HSPA4: variants seen among roughly 807,000 people sequenced by gnomAD.
HSPA4 encodes the protein heat shock 70 kDa protein 4.
In HSPA4, 25 loss-of-function variants were observed where a neutral mutation model predicts 106.2. The observed-to-expected ratio is 0.24, with a 90% CI of 0.17 to 0.33. The LOEUF is 0.33. Ranked by LOEUF, HSPA4 falls within the 10% of genes least tolerant of loss-of-function variation. The pLI, the probability that HSPA4 is intolerant of heterozygous loss-of-function variation, is 1.00. For missense variants in HSPA4, 841 were observed against 996.0 expected (o/e 0.84, Z 2.10); for synonymous variants, 332 against 333.6 (o/e 1.00, Z 0.05).
At chr5:133,072,780 G>GTGA (rs1765401203) in intron 4 of HSPA4, among the ~76,000 whole-genome samples, 1 of 152,088 alleles carries the variant, frequency 6.6e-6, no homozygotes, top group Admixed American at 6.6e-5. Context: ...CCAACTCCCA[G>GTGA]AAGGAAAGCC....
intron 1 of HSPA4, among the ~76,000 whole-genome samples, chr5:133,059,692 C>G (rs111398019): frequency 1.3e-5 from 2 of 152,274 alleles, no homozygotes; most frequent in African/African-American, 4.8e-5. Context: ...ATCATAGACT[C>G]TAATACGTTT....
chr5:133,074,344 T>C (rs988481508), intron 6 of HSPA4, among the ~76,000 whole-genome samples: 1 of 151,812 alleles, frequency 6.6e-6, no homozygotes, highest in African/African-American at 2.4e-5. Context: ...AATGGCGCGA[T>C]CTTGGCTCAC....
intron 11 of HSPA4, 90 bp from the exon 12 acceptor site, chr5:133,091,103 A>G: frequency 9.3e-7 from 1 of 1,076,794 alleles, no homozygotes; most frequent in Non-Finnish European, 1.4e-6. Flanking sequence ...TATCATTGAA[A>G]GTAGACATAA....
chr5:133,087,557 A>G (rs1462526933), intron 8 of HSPA4, among the ~76,000 whole-genome samples: 1 of 152,234 alleles, frequency 6.6e-6, no homozygotes, highest in Non-Finnish European at 1.5e-5. Flanking sequence ...TTTATGAGCA[A>G]TAGCAGATCC....
chr5:133,097,549 C>CT (rs551499462), intron 15 of HSPA4, among the ~76,000 whole-genome samples: 27,464 of 127,504 alleles, frequency 0.22, 3,056 homozygotes, highest in South Asian at 0.25. Context: ...CTTTTCTTTT[C>CT]TTTTTTTTTT....
intron 7 of HSPA4, among the ~76,000 whole-genome samples, chr5:133,084,475 A>C (rs1236079668): frequency 3.3e-5 from 5 of 151,778 alleles, no homozygotes; most frequent in Admixed American, 3.3e-4. Flanking sequence ...ATACTTTACT[A>C]TTCTTTTTTT....
rs1036345393 is a variant in HSPA4 at position 133,060,945 on chromosome 5, T to C, written c.108-4035T>C. Among the ~76,000 whole-genome samples, 10 of 150,912 alleles carry C rather than the reference T, an allele frequency of 6.6e-5. No homozygotes were observed. In the East Asian group the frequency reaches 1.4e-3, roughly 21 times the overall value. On this transcript the variant is annotated intron_variant, in intron 1 of 18. Transcript: ENST00000304858. ...GTTTTAAATTTTATTTAATTTTAAA[T>C]AATTTAAATTTAAATAGCCACATGT... is the stretch of plus-strand genomic sequence containing the variant.
rs1005984198 is a variant in HSPA4 at position 133,052,176 on chromosome 5, C to A, written c.-75C>A. 12 of 1,049,926 alleles carry A rather than the reference C, an allele frequency of 1.1e-5. No individual in the cohort carries two copies. The highest frequency in any genetic ancestry group is 9.4e-5 in the African/African-American group (6 of 63,532). 65.0% of individuals were successfully genotyped at this position (1,049,926 alleles called of 1,614,324 possible). On this transcript the variant is annotated 5_prime_UTR_variant, in exon 1 of 19. Coordinates refer to ENST00000304858, the MANE Select transcript of HSPA4 (RefSeq NM_002154.4). Reference sequence around the variant, plus strand: ...CGGCCCAAGAGGCCTGCTTTCCACTCGCTAGCCCCGCCGGGGGTCCGTGTC... The same window carrying A: ...CGGCCCAAGAGGCCTGCTTTCCACTAGCTAGCCCCGCCGGGGGTCCGTGTC...
At chr5:133,067,353 A>T in intron 2 of HSPA4, 64 bp from the exon 3 acceptor site, 2 of 1,326,900 alleles carry the variant, frequency 1.5e-6, no homozygotes, top group East Asian at 2.3e-5. Flanking sequence ...ATTTAATCTG[A>T]GGCTGTTGAA....
chr5:133,099,391 C>T (rs745882025), intron 15 of HSPA4, among the ~76,000 whole-genome samples, 154 bp from the exon 16 acceptor site: 1 of 152,172 alleles, frequency 6.6e-6, no homozygotes, highest in East Asian at 1.9e-4. Flanking sequence ...CCTCAGCCTC[C>T]CAAAGTGCTG....
intron 7 of HSPA4, among the ~76,000 whole-genome samples, chr5:133,078,919 A>C (rs1436818212): frequency 1.3e-5 from 2 of 151,982 alleles, no homozygotes; most frequent in African/African-American, 4.8e-5. Context: ...TTTTTTGTAG[A>C]GACTGGGTGT....
intron 15 of HSPA4, among the ~76,000 whole-genome samples, chr5:133,098,478 ATT>A (rs111694220): frequency 4.0e-4 from 57 of 142,812 alleles, no homozygotes; most frequent in African/African-American, 8.9e-4. Flanking sequence ...CGCCTGGCTA[ATT>A]TTTTTTTTTT....
intron 7 of HSPA4, among the ~76,000 whole-genome samples, chr5:133,080,026 A>G (rs1403329870): frequency 1.3e-5 from 2 of 152,168 alleles, no homozygotes; most frequent in Non-Finnish European, 2.9e-5. Flanking sequence ...CTTTTGGTGT[A>G]TAATATTGCT....
chr5:133,091,785 G>A (rs1335450690), intron 12 of HSPA4, among the ~76,000 whole-genome samples: 1 of 152,138 alleles, frequency 6.6e-6, no homozygotes, highest in Non-Finnish European at 1.5e-5. Flanking sequence ...CAGCACTTTG[G>A]GAGGCTGAGG....
At position 133,099,559 on chromosome 5, in the gene HSPA4, T is replaced by C. The variant is rs550197041; in HGVS notation, c.1944T>C (p.Phe648=). 20 of 1,583,886 alleles carry C rather than the reference T, an allele frequency of 1.3e-5. No homozygotes were observed. The highest frequency in any genetic ancestry group is 5.0e-5 in the Admixed American group (3 of 59,860). The stretch of plus-strand genomic sequence containing the variant: ...TTTATCATTAGGATCGTAACAGTTT[T>C]ACTTTGAAACTGGAAGATACTGAAA... The part of the protein sequence containing the change: ...KFVSEDDRNS[F]TLKLEDTENW... Residue 648 remains phenylalanine (F), a synonymous_variant, in exon 16 of 19, where the codon TTT becomes TTC. Transcript: ENST00000304858.
chr5:133,087,728 A>G (rs1384763224), intron 8 of HSPA4, among the ~76,000 whole-genome samples: 1 of 152,176 alleles, frequency 6.6e-6, no homozygotes, highest in African/African-American at 2.4e-5. Context: ...GGTTAAAGCA[A>G]TTCTCCTGCC....
chr5:133,074,108 T>G lies in HSPA4; in HGVS notation c.645T>G (p.Phe215Leu). 1 of 1,593,370 alleles carries G rather than the reference T, an allele frequency of 6.3e-7. No individual in the cohort carries two copies. The highest frequency in any genetic ancestry group is 8.5e-7 in the Non-Finnish European group (1 of 1,172,112). The change falls in exon 6 of 19, where the codon TTT becomes TTG. Residue 215 changes from phenylalanine to leucine, a missense_variant. Physicochemically the swap from Phe to Leu is conservative, Grantham distance 22 (BLOSUM62 0). Transcript: ENST00000304858. ...CTTATCAAGTTTCTGTATGTGCATT[T>G]AATAGAGGAAAACTGAAAGTAAGTA... ...HSAYQVSVCAFNRGKLKVLAT... is the reference protein window; with the variant it reads ...HSAYQVSVCALNRGKLKVLAT...
chr5:133,074,365 A>ACCTCCC (rs1329963027), intron 6 of HSPA4, among the ~76,000 whole-genome samples: 1 of 149,612 alleles, frequency 6.7e-6, no homozygotes, highest in Admixed American at 6.7e-5. Flanking sequence ...CGCAACCTCC[A>ACCTCCC]CCTCCCAGGT....
Position 133,086,865 on chromosome 5 carries a change from A to AT in HSPA4, c.985+12dup. Reference sequence around the variant, plus strand: ...AGTGTTTTGGAACAAACCAGTAAGTATTTTTGTGATTGAATTTGTTTGCGT... The same window carrying AT: ...AGTGTTTTGGAACAAACCAGTAAGTATTTTTTGTGATTGAATTTGTTTGCGT... On this transcript the variant is annotated splice_region_variant and intron_variant, in intron 8 of 18. Coordinates refer to ENST00000304858, the MANE Select transcript of HSPA4 (RefSeq NM_002154.4). The AT allele has an allele frequency of 6.3e-7, 1 of 1,596,384 alleles. No homozygotes were observed. Among genetic ancestry groups the AT allele is most frequent in the Non-Finnish European group, 8.6e-7 (1 of 1,164,132 alleles).
Sources: gnomAD v4.1 joint callset for allele counts (sites outside exome capture counted in the v4.1 genomes callset) on GRCh38, gnomAD v4.1.1 for gene constraint, MANE v1.5 for transcripts, NCBI Gene and HGNC (gene_info 2026-07-23, HGNC 2026-07-21) for gene names.